THOC5: variants seen among roughly 807,000 people sequenced by gnomAD.
THOC5 encodes Fms-interacting protein.
In THOC5, 43 loss-of-function variants were observed where a neutral mutation model predicts 92.9. That is an observed-to-expected ratio of 0.46 (90% CI 0.36 to 0.60). The LOEUF (loss-of-function observed/expected upper bound fraction) is 0.60. Among genes scored for constraint, THOC5 ranks in the 20% least tolerant of loss-of-function variants. The pLI is 0.00. For missense variants in THOC5, 659 were observed against 849.4 expected, an observed-to-expected ratio of 0.78 and a Z score of 2.79; for synonymous variants, 296 against 320.1, an observed-to-expected ratio of 0.92 and a Z score of 0.80.
intron 17 of THOC5, among the ~76,000 whole-genome samples, chr22:29,515,604 A>T (rs2063318809): frequency 6.8e-6 from 1 of 148,042 alleles, no homozygotes; most frequent in Non-Finnish European, 1.5e-5. Context: ...AGTTGGGAGG[A>T]TCACTTAAAC....
At chr22:29,526,067 G>C in intron 11 of THOC5, 121 bp from the exon 12 acceptor site, 1 of 660,190 alleles carries the variant, frequency 1.5e-6, no homozygotes, top group Middle Eastern at 3.3e-4. Flanking sequence ...TAGGTATTAT[G>C]CCCACTACCT....
chr22:29,532,613 C>T (rs953117340), intron 7 of THOC5, among the ~76,000 whole-genome samples: 4 of 151,976 alleles, frequency 2.6e-5, no homozygotes, highest in African/African-American at 7.3e-5. Flanking sequence ...TGCGGTGAGC[C>T]GAGATCATGC....
intron 7 of THOC5, among the ~76,000 whole-genome samples, chr22:29,533,215 G>C (rs920198812): frequency 1.3e-5 from 2 of 152,198 alleles, no homozygotes; most frequent in East Asian, 1.9e-4. Flanking sequence ...TAAATGCAAA[G>C]GGCCAAGAAT....
Position 29,508,511 on chromosome 22 carries a change from G to A in THOC5, c.1998C>T (p.Ser666=). 6.2e-7 allele frequency: 1 copy of A among 1,613,952 alleles called. No homozygotes were observed. Residue 666 remains serine, a synonymous_variant, in exon 20 of 20, where the codon AGC becomes AGT. Coordinates refer to ENST00000490103, the MANE Select transcript of THOC5 (RefSeq NM_003678.5). ...KMCLRLFRGP[S]RMKPFKYNHP... ...GGTTGTATTTAAATGGCTTCATCCT[G>A]CTAGGACCCCTAGAGAAATAGGAGA...
chr22:29,528,461 C>G lies in THOC5; in HGVS notation c.931G>C (p.Glu311Gln). Residue 311 changes from glutamate (E) to glutamine (Q), a missense_variant, in exon 10 of 20, where the codon GAG (glutamate) becomes CAG (glutamine). Physicochemically the swap from Glu to Gln is conservative, Grantham distance 29. Coordinates refer to ENST00000490103, the MANE Select transcript of THOC5 (RefSeq NM_003678.5). ...TCCTCCTCGGCATCTGAGTCACTCT[C>G]GTCATCTGCAGCCACAGAGAGAAGG... Reference protein sequence around the residue: ...FKPPEDSQDDESDSDAEEEQT... With the variant: ...FKPPEDSQDDQSDSDAEEEQT... The G allele has an allele frequency of 6.2e-7, 1 of 1,613,186 alleles. No homozygotes were observed. Among genetic ancestry groups the G allele is most frequent in the Non-Finnish European group, 8.5e-7 (1 of 1,180,022 alleles).
Position 29,543,585 on chromosome 22 carries a change from A to C in THOC5, c.241-43T>G, listed in dbSNP as rs984914697. ...AGTAAAGCCCACTGACGACAGGGCT[A>C]GCTCAGCTTCCTTCAGTCCTTCACC... On this transcript the variant is annotated intron_variant, in intron 3 of 19. Coordinates refer to ENST00000490103, the MANE Select transcript of THOC5 (RefSeq NM_003678.5). The C allele has an allele frequency of 6.0e-6, 9 of 1,506,646 alleles. No individual in the cohort carries two copies. In the African/African-American group the frequency reaches 1.2e-4, roughly 21 times the overall value. The allele number at this position is 1,506,646 out of a possible 1,614,324, so 93.3% of individuals were successfully genotyped here.
intron 6 of THOC5, among the ~76,000 whole-genome samples, chr22:29,538,083 C>T (rs1298414359): frequency 2.0e-5 from 3 of 151,870 alleles, no homozygotes; most frequent in African/African-American, 7.3e-5. Context: ...CCCGGCTTCA[C>T]GCCATTCTCC....
At chr22:29,542,791 T>G in intron 5 of THOC5, 68 bp downstream of exon 5, 217 of 1,042,688 alleles carry the variant, frequency 2.1e-4, no homozygotes, top group Non-Finnish European at 2.8e-4. Context: ...AGACTTACAG[T>G]GAGCTACATG....
chr22:29,509,361 G>A (rs987297761), intron 19 of THOC5, among the ~76,000 whole-genome samples: 3 of 152,102 alleles, frequency 2.0e-5, no homozygotes, highest in Non-Finnish European at 4.4e-5. Flanking sequence ...GGCCATGTGA[G>A]AATTCCCACC....
chr22:29,544,668 C>T, intron 2 of THOC5, 65 bp from the exon 3 acceptor site: 1 of 1,417,168 alleles, frequency 7.1e-7, no homozygotes, highest in Non-Finnish European at 9.4e-7. Flanking sequence ...GGATCAGGGA[C>T]ACTTGGCTGA....
Position 29,512,331 on chromosome 22 carries a change from AT to A in THOC5, c.1682-196del, listed in dbSNP as rs1419322334. 2.7e-4 allele frequency among the ~76,000 whole-genome samples: 41 copies of A among 152,122 alleles called. 1 individual carries two copies. The highest frequency in any genetic ancestry group is 2.9e-5 in the Non-Finnish European group (2 of 68,006). On this transcript the variant is annotated intron_variant, in intron 17 of 19. Coordinates refer to ENST00000490103, the MANE Select transcript of THOC5 (RefSeq NM_003678.5). ...AGCTTGCAGAATGTGAGGTCCTATAATTGGTCTCTCCAAGGACTTTGACATA... is the reference window on the plus strand; with the variant it reads ...AGCTTGCAGAATGTGAGGTCCTATAATGGTCTCTCCAAGGACTTTGACATA...
chr22:29,520,906 C>T (rs955043996), intron 13 of THOC5, 92 bp downstream of exon 13: 15 of 937,320 alleles, frequency 1.6e-5, no homozygotes, highest in Non-Finnish European at 2.4e-5. Flanking sequence ...CTCTGGGTCA[C>T]CTCTGGCCCT....
chr22:29,537,741 T>C (rs2063788742), intron 6 of THOC5, among the ~76,000 whole-genome samples: 1 of 151,436 alleles, frequency 6.6e-6, no homozygotes, highest in Non-Finnish European at 1.5e-5. Context: ...AATACAAAAA[T>C]TAGCTGGGCG....
intron 8 of THOC5, chr22:29,531,460 C>T (rs1045488853): frequency 5.9e-6 from 6 of 1,023,830 alleles, no homozygotes; most frequent in Non-Finnish European, 5.8e-6. Context: ...CTGGCTGAGA[C>T]CTGTATTCAC....
intron 11 of THOC5, among the ~76,000 whole-genome samples, chr22:29,527,095 A>G (rs73159006): frequency 0.2 from 30,253 of 152,146 alleles, 3,368 homozygotes; most frequent in East Asian, 0.43. Flanking sequence ...ATAGGAACTC[A>G]TGTTATTTTG....
intron 12 of THOC5, 140 bp downstream of exon 12, chr22:29,525,698 T>C: frequency 1.7e-6 from 1 of 573,428 alleles, no homozygotes; most frequent in East Asian, 2.8e-5. Context: ...CCAGGACTTC[T>C]GGTCCATCTG....
intron 7 of THOC5, 133 bp from the exon 8 acceptor site, chr22:29,532,096 A>G: frequency 9.1e-7 from 1 of 1,094,126 alleles, no homozygotes. Flanking sequence ...ATAGGTGGAT[A>G]AAAGCTCAAC....
At chr22:29,549,832 T>C (rs2064105884) in intron 1 of THOC5, among the ~76,000 whole-genome samples, 1 of 152,042 alleles carries the variant, frequency 6.6e-6, no homozygotes. Context: ...ACTCCATGTC[T>C]TTTCCCCTGC....
intron 1 of THOC5, among the ~76,000 whole-genome samples, chr22:29,552,571 G>A (rs1277534597): frequency 6.7e-6 from 1 of 150,212 alleles, no homozygotes; most frequent in Middle Eastern, 3.5e-3. Context: ...GTCCGGGGGG[G>A]AGGTGGGGGC....
Sources: allele counts gnomAD v4.1 joint callset (sites outside exome capture counted in the v4.1 genomes callset), GRCh38; gene constraint gnomAD v4.1.1; transcripts MANE v1.5; gene names NCBI Gene and HGNC (gene_info 2026-07-23, HGNC 2026-07-21).